The following RERG variants were observed in gnomAD, a reference collection of about 807,000 sequenced individuals.
RERG encodes the protein RAS like estrogen regulated growth inhibitor.
Under a neutral mutation model 23.2 loss-of-function variants are expected in RERG, and 25 were observed. That is an observed-to-expected ratio of 1.08 (90% CI 0.79 to 1.50). The LOEUF (loss-of-function observed/expected upper bound fraction) is 1.50. RERG is among the 40% of genes most tolerant of loss of function. The pLI is 0.00. For synonymous variants in RERG, 81 were observed against 89.1 expected (o/e 0.91, Z 0.51); for missense variants, 253 against 250.1 (o/e 1.01, Z -0.08).
At chr12:15,188,951 T>A (rs1359961633) in intron 2 of RERG, among the ~76,000 whole-genome samples, 2 of 152,170 alleles carry the variant, frequency 1.3e-5, no homozygotes, top group Non-Finnish European at 2.9e-5. Context: ...GATTTCTTGA[T>A]CAGTCACCAA....
intron 3 of RERG, among the ~76,000 whole-genome samples, chr12:15,117,990 A>G (rs1226358147): frequency 2.0e-5 from 3 of 152,182 alleles, no homozygotes; most frequent in African/African-American, 7.2e-5. Context: ...TCACCGATCC[A>G]CAGTATAATA....
At chr12:15,119,996 G>A (rs890965532) in intron 3 of RERG, among the ~76,000 whole-genome samples, 14 of 152,066 alleles carry the variant, frequency 9.2e-5, no homozygotes, top group Non-Finnish European at 1.8e-4. Context: ...TCTGTTTGGT[G>A]TGAAAAGCAA....
chr12:15,161,222 G>GAAAGAAAGAA (rs1864599378), intron 2 of RERG, among the ~76,000 whole-genome samples: 1 of 122,026 alleles, frequency 8.2e-6, no homozygotes, highest in East Asian at 2.5e-4. Flanking sequence ...AAGAAAGAAA[G>GAAAGAAAGAA]AAAGAAACAG....
chr12:15,155,938 A>G (rs1265727860), intron 2 of RERG, among the ~76,000 whole-genome samples: 3 of 150,960 alleles, frequency 2.0e-5, no homozygotes, highest in Non-Finnish European at 2.9e-5. Context: ...TGGCACATGT[A>G]TACATATGTA....
chr12:15,160,414 G>C (rs1413210541), intron 2 of RERG, among the ~76,000 whole-genome samples: 3 of 152,056 alleles, frequency 2.0e-5, no homozygotes, highest in Non-Finnish European at 4.4e-5. Flanking sequence ...CTTTTGTTAA[G>C]GGCTTTTCAA....
At chr12:15,187,123 G>C (rs182367497) in intron 2 of RERG, among the ~76,000 whole-genome samples, 18 of 152,136 alleles carry the variant, frequency 1.2e-4, no homozygotes, top group Admixed American at 1.1e-3. Flanking sequence ...TGGAAGTTAC[G>C]ACCAAGATAA....
intron 2 of RERG, among the ~76,000 whole-genome samples, chr12:15,146,883 A>G (rs546832147): frequency 6.6e-6 from 1 of 152,326 alleles, no homozygotes; most frequent in Admixed American, 6.5e-5. Flanking sequence ...ACGCATGCAG[A>G]TTAGCCTTAA....
rs563764600 is a variant in RERG at position 15,154,007 on chromosome 12, C to T, written c.62-32888G>A. Among the ~76,000 whole-genome samples, 38 of 152,156 alleles carry T rather than the reference C, an allele frequency of 2.5e-4. No homozygotes were observed. In the South Asian group the frequency reaches 7.1e-3, roughly 28 times the overall value. On this transcript the variant is annotated intron_variant, in intron 2 of 4. Transcript: ENST00000256953. ...GAGAACACCATCTGCAAGCCAAGGACGGCCTGAGGTTACCAGAAGCTAGGA... is the reference window on the plus strand; with the variant it reads ...GAGAACACCATCTGCAAGCCAAGGATGGCCTGAGGTTACCAGAAGCTAGGA...
intron 3 of RERG, among the ~76,000 whole-genome samples, chr12:15,115,020 C>A (rs190454664): frequency 1.3e-5 from 2 of 151,768 alleles, no homozygotes; most frequent in Non-Finnish European, 1.5e-5. Context: ...TAAAGAATAC[C>A]GTGTAGAAGA....
chr12:15,154,903 G>A (rs553395098), intron 2 of RERG, among the ~76,000 whole-genome samples: 48 of 152,184 alleles, frequency 3.2e-4, no homozygotes, highest in Admixed American at 1.3e-3. Flanking sequence ...TAATTTAAAT[G>A]AAATTGTAGT....
intron 2 of RERG, among the ~76,000 whole-genome samples, chr12:15,215,710 G>A (rs7965695): frequency 0.35 from 53,906 of 151,914 alleles, 10,041 homozygotes; most frequent in African/African-American, 0.47. Context: ...AGCAGTGGAC[G>A]AAGACATGCG....
chr12:15,180,688 G>A (rs1323045414), intron 2 of RERG, among the ~76,000 whole-genome samples: 3 of 152,256 alleles, frequency 2.0e-5, no homozygotes, highest in South Asian at 2.1e-4. Flanking sequence ...TAGAAACTAC[G>A]TGATCCTGAA....
intron 2 of RERG, among the ~76,000 whole-genome samples, chr12:15,146,500 C>T (rs1024678881): frequency 2.6e-5 from 4 of 152,076 alleles, no homozygotes; most frequent in African/African-American, 7.2e-5. Context: ...AAAATAAGGT[C>T]GGTATTTTAT....
intron 2 of RERG, among the ~76,000 whole-genome samples, chr12:15,144,200 T>C (rs1469439281): frequency 6.6e-6 from 1 of 152,034 alleles, no homozygotes; most frequent in South Asian, 2.1e-4. Flanking sequence ...GGTTGGAGGG[T>C]AGGGATTGAA....
chr12:15,166,523 A>ATGGTGGTGATGGTGGTGG (rs1864691940), intron 2 of RERG, among the ~76,000 whole-genome samples: 4 of 148,838 alleles, frequency 2.7e-5, no homozygotes, highest in Admixed American at 1.3e-4. Flanking sequence ...GATGGTGGTG[A>ATGGTGGTGATGGTGGTGG]TGGTGGTGGT....
At chr12:15,200,492 T>C (rs1865201033) in intron 2 of RERG, among the ~76,000 whole-genome samples, 1 of 152,022 alleles carries the variant, frequency 6.6e-6, no homozygotes, top group Non-Finnish European at 1.5e-5. Context: ...TTTATTGACT[T>C]AGAAGTCATG....
At chr12:15,145,702 T>C (rs1864320668) in intron 2 of RERG, among the ~76,000 whole-genome samples, 1 of 152,222 alleles carries the variant, frequency 6.6e-6, no homozygotes, top group South Asian at 2.1e-4. Flanking sequence ...GTGCTAGGCG[T>C]AAGCCCTTGT....
At chr12:15,197,680 G>A (rs891337537) in intron 2 of RERG, among the ~76,000 whole-genome samples, 8 of 152,068 alleles carry the variant, frequency 5.3e-5, no homozygotes, top group Non-Finnish European at 7.4e-5. Context: ...TTGCCTTTAT[G>A]GGCCCTCAAA....
intron 2 of RERG, among the ~76,000 whole-genome samples, chr12:15,172,288 C>T (rs1159312441): frequency 6.6e-6 from 1 of 152,082 alleles, no homozygotes; most frequent in Non-Finnish European, 1.5e-5. Flanking sequence ...CAAGATTCAT[C>T]CATGTTATAG....
Sources: gnomAD v4.1 joint callset for allele counts (sites outside exome capture counted in the v4.1 genomes callset) on GRCh38, gnomAD v4.1.1 for gene constraint, MANE v1.5 for transcripts, NCBI Gene and HGNC (gene_info 2026-07-23, HGNC 2026-07-21) for gene names.